Variants in SIPA1L3 observed in about 807,000 individuals in gnomAD.
The protein encoded by SIPA1L3 is signal induced proliferation associated 1 like 3.
SIPA1L3 carries 59 observed loss-of-function variants against 150.1 expected under a neutral mutation model. The observed-to-expected ratio is 0.39, with a 90% CI of 0.32 to 0.49. The LOEUF (loss-of-function observed/expected upper bound fraction) is 0.49, where lower values mean the gene tolerates loss of function less well. SIPA1L3 is among the 20% of genes least tolerant of loss of function. The pLI is 0.86. For missense variants in SIPA1L3, 2,211 were observed against 2,489.5 expected, an observed-to-expected ratio of 0.89 and a Z score of 2.38; for synonymous variants, 1,070 against 1,077.6, an observed-to-expected ratio of 0.99 and a Z score of 0.14.
chr19:37,997,290 G>A (rs1039794163), intron 1 of SIPA1L3, among the ~76,000 whole-genome samples: 4 of 152,006 alleles, frequency 2.6e-5, no homozygotes, highest in East Asian at 1.9e-4. Context: ...TCTTTGGGCC[G>A]GGCACGGTGG....
intron 16 of SIPA1L3, among the ~76,000 whole-genome samples, chr19:38,187,534 G>A (rs958358921): frequency 6.6e-6 from 1 of 151,114 alleles, no homozygotes; most frequent in Non-Finnish European, 1.5e-5. Flanking sequence ...TGGCTAACAC[G>A]GTGAAACCCC....
chr19:37,949,890 A>T, intron 1 of SIPA1L3, among the ~76,000 whole-genome samples: 1 of 152,118 alleles, frequency 6.6e-6, no homozygotes, highest in Non-Finnish European at 1.5e-5. Flanking sequence ...CATCCTGGCC[A>T]AAATGGTGAA....
At chr19:38,145,736 A>G (rs780862633) in intron 12 of SIPA1L3, among the ~76,000 whole-genome samples, 3 of 152,150 alleles carry the variant, frequency 2.0e-5, no homozygotes, top group African/African-American at 7.2e-5. Context: ...GCTCTGTGCA[A>G]TTTTATCACA....
At chr19:37,995,476 A>G (rs1599879303) in intron 1 of SIPA1L3, among the ~76,000 whole-genome samples, 1 of 152,172 alleles carries the variant, frequency 6.6e-6, no homozygotes, top group South Asian at 2.1e-4. Flanking sequence ...TGAGGGGGAC[A>G]CCCAGCCGGC....
rs1477512265 is a variant in SIPA1L3 at position 38,111,949 on chromosome 19, ATACATGCACACACG to A, written c.2291+1579_2291+1592del. 2.1e-4 allele frequency among the ~76,000 whole-genome samples: 31 copies of A among 150,868 alleles called. 1 individual carries two copies. In the South Asian group the frequency reaches 4.6e-3, roughly 22 times the overall value. On this transcript the variant is annotated intron_variant, in intron 8 of 21. Coordinates refer to ENST00000222345, the MANE Select transcript of SIPA1L3 (RefSeq NM_015073.3). ...CGTGCACACATGCACATGCACACAC[ATACATGCACACACG>A]TACATGCACACACATGCACACAGGC...
intron 1 of SIPA1L3, among the ~76,000 whole-genome samples, chr19:37,938,232 A>G (rs1026794951): frequency 6.6e-6 from 1 of 152,186 alleles, no homozygotes; most frequent in Non-Finnish European, 1.5e-5. Context: ...TTCCATGCCA[A>G]TGGACATTTT....
At chr19:38,199,550 G>T (rs1465367440) in intron 19 of SIPA1L3, among the ~76,000 whole-genome samples, 1 of 152,110 alleles carries the variant, frequency 6.6e-6, no homozygotes, top group African/African-American at 2.4e-5. Flanking sequence ...CGTCACAGTC[G>T]CCTAGGGAGC....
rs117973780 is a variant in SIPA1L3 at position 37,913,172 on chromosome 19, G to T, written c.-379+5814G>T. ...GTAGTCTTTACCTCGGGGGTCGCTGGAGACTGAATGAAATGTCTGCAAGAC... is the reference window on the plus strand; with the variant it reads ...GTAGTCTTTACCTCGGGGGTCGCTGTAGACTGAATGAAATGTCTGCAAGAC... On this transcript the variant is annotated intron_variant, in intron 1 of 21. Transcript: ENST00000222345. Among the ~76,000 whole-genome samples the T allele has an allele frequency of 7.0e-3, 1,065 of 151,800 alleles. 32 individuals carry two copies. The highest frequency in any genetic ancestry group is 0.069 in the East Asian group (355 of 5,150).
chr19:38,170,661 A>G (rs1468466187), intron 15 of SIPA1L3, among the ~76,000 whole-genome samples: 1 of 152,190 alleles, frequency 6.6e-6, no homozygotes, highest in Non-Finnish European at 1.5e-5. Context: ...ACGGAGGCCC[A>G]TGGGAAACAG....
In SIPA1L3 at chr19:38,031,418, C is replaced by T. The variant is rs542518012; in HGVS notation, c.-311+2262C>T. Among the ~76,000 whole-genome samples the T allele has an allele frequency of 1.1e-4, 17 of 152,332 alleles. No individual in the cohort carries two copies. The South Asian group carries it at 3.3e-3, about 30-fold the overall frequency. On this transcript the variant is annotated intron_variant, in intron 2 of 21. Coordinates refer to ENST00000222345, the MANE Select transcript of SIPA1L3 (RefSeq NM_015073.3). ...TAACCTCCTCCGATCTGGAACAATTCCTCCGTCTTTCCTAGCCTTTCATGA... is the reference window on the plus strand; with the variant it reads ...TAACCTCCTCCGATCTGGAACAATTTCTCCGTCTTTCCTAGCCTTTCATGA...
At chr19:38,069,712 T>C (rs1969673635) in intron 2 of SIPA1L3, among the ~76,000 whole-genome samples, 2 of 152,062 alleles carry the variant, frequency 1.3e-5, no homozygotes, top group Admixed American at 1.3e-4. Context: ...TCTCCCAGGC[T>C]GGAGTGCAGT....
intron 15 of SIPA1L3, among the ~76,000 whole-genome samples, chr19:38,180,710 A>C (rs1357912904): frequency 1.3e-5 from 2 of 150,648 alleles, no homozygotes; most frequent in Non-Finnish European, 3.0e-5. Context: ...CACCTGGCTA[A>C]TTTTTTTGTA....
intron 19 of SIPA1L3, 37 bp downstream of exon 19, chr19:38,198,569 C>T (rs367664853): frequency 2.1e-6 from 3 of 1,461,730 alleles, no homozygotes; most frequent in African/African-American, 1.5e-5. Flanking sequence ...AGGCCCCCAC[C>T]CCGTCCTCTG....
At position 38,163,446 on chromosome 19, in the gene SIPA1L3, C is replaced by T. The variant is rs1407820092; in HGVS notation, c.3781-1033C>T. On this transcript the variant is annotated intron_variant, in intron 14 of 21. Transcript: ENST00000222345. ...CAGAGGCTGCAGTAAGCCAAGATTGCACCACTGCACTCCAGCCTGAGCGAC... is the reference window on the plus strand; with the variant it reads ...CAGAGGCTGCAGTAAGCCAAGATTGTACCACTGCACTCCAGCCTGAGCGAC... 2.0e-5 allele frequency among the ~76,000 whole-genome samples: 3 copies of T among 146,488 alleles called. No homozygotes were observed. In the Admixed American group the frequency reaches 2.1e-4, roughly 10 times the overall value.
At chr19:37,945,359 C>T (rs747486931) in intron 1 of SIPA1L3, among the ~76,000 whole-genome samples, 3 of 151,942 alleles carry the variant, frequency 2.0e-5, no homozygotes, top group Non-Finnish European at 2.9e-5. Flanking sequence ...TTCAGCCTCC[C>T]GGTAGCTGGG....
chr19:37,987,825 T>C (rs8110367), intron 1 of SIPA1L3, among the ~76,000 whole-genome samples: 45,064 of 152,060 alleles, frequency 0.3, 7,612 homozygotes, highest in East Asian at 0.71. Flanking sequence ...CCTTTACTGC[T>C]CAGTAAATGG....
chr19:37,913,481 T>C (rs1299346489), intron 1 of SIPA1L3, among the ~76,000 whole-genome samples: 4 of 152,102 alleles, frequency 2.6e-5, no homozygotes, highest in African/African-American at 9.7e-5. Flanking sequence ...CTGCAACCAC[T>C]GCCTCCCAAG....
intron 15 of SIPA1L3, among the ~76,000 whole-genome samples, chr19:38,172,249 T>C (rs980259581): frequency 5.3e-5 from 8 of 152,132 alleles, no homozygotes; most frequent in Admixed American, 6.5e-5. Context: ...CCAGGGTGGC[T>C]GCCACGTGTC....
rs1334221609 is a variant in SIPA1L3, at chr19:38,100,861, AAGGGAGGGGG to A, written c.1855-185_1855-176del. 2.0e-5 allele frequency among the ~76,000 whole-genome samples: 3 copies of A among 152,290 alleles called. No homozygotes were observed. In the East Asian group the frequency reaches 5.8e-4, roughly 29 times the overall value. The stretch of plus-strand genomic sequence containing the variant: ...ACCTCGTTGTGCTTCTCTGGAGTGG[AAGGGAGGGGG>A]AGGGACAACTGGGACATGCTGCCAT... On this transcript the variant is annotated intron_variant, in intron 5 of 21. Transcript: ENST00000222345.
Sources: allele counts gnomAD v4.1 joint callset (sites outside exome capture counted in the v4.1 genomes callset), GRCh38; gene constraint gnomAD v4.1.1; transcripts MANE v1.5; gene names NCBI Gene and HGNC (gene_info 2026-07-23, HGNC 2026-07-21).